GDF6: variants seen among roughly 807,000 people sequenced by gnomAD.
GDF6 encodes the protein growth/differentiation factor 6.
In GDF6, 3 loss-of-function variants were observed where a neutral mutation model predicts 32.4. That is an observed-to-expected ratio of 0.09 (90% CI 0.04 to 0.24). The LOEUF (loss-of-function observed/expected upper bound fraction) is 0.24, where lower values mean the gene tolerates loss of function less well. GDF6 is among the 10% of genes least tolerant of loss of function. The pLI is 1.00. For synonymous variants in GDF6, 296 were observed against 295.3 expected, an observed-to-expected ratio of 1.00 and a Z score of -0.03; for missense variants, 589 against 637.9, an observed-to-expected ratio of 0.92 and a Z score of 0.83.
Position 96,144,752 on chromosome 8 carries a change from C to A in GDF6, c.1179G>T (p.Ser393=), listed in dbSNP as rs760564026. 3 of 1,614,130 alleles carry A rather than the reference C, an allele frequency of 1.9e-6. No individual in the cohort carries two copies. The highest frequency in any genetic ancestry group is 2.5e-6 in the Non-Finnish European group (3 of 1,180,008). ...TGGCGTGGTTGGTGGGCTCCAGGTG[C>A]GAGCGCAGCGGGAAGTCGCATACAC... ...CEGVCDFPLR[S]HLEPTNHAII... The change falls in exon 2 of 2, where the codon TCG becomes TCT. Residue 393 remains serine (S), a synonymous_variant. Coordinates refer to ENST00000287020, the MANE Select transcript of GDF6 (RefSeq NM_001001557.4). This position sits in a 1 kb window ranked among gnomAD's most constrained non-coding sequence, Gnocchi z 5.1.
rs1404630168 is a variant in GDF6, at chr8:96,144,727, T to C, written c.1204A>G (p.Ile402Val). 8 of 1,614,178 alleles carry C rather than the reference T, an allele frequency of 5.0e-6. No homozygotes were observed. Among genetic ancestry groups the C allele is most frequent in the Non-Finnish European group, 5.1e-6 (6 of 1,180,028 alleles). ...ATGGAGTTCATCAGCGTCTGGATGA[T>C]GGCGTGGTTGGTGGGCTCCAGGTGC... Reference protein sequence around the residue: ...RSHLEPTNHAIIQTLMNSMDP... With the variant: ...RSHLEPTNHAVIQTLMNSMDP... Residue 402 changes from isoleucine (I) to valine (V), a missense_variant, in exon 2 of 2, where the codon ATC becomes GTC. Coordinates refer to ENST00000287020, the MANE Select transcript of GDF6 (RefSeq NM_001001557.4). The surrounding 1 kb of genome is among the most constrained non-coding windows in gnomAD (Gnocchi z 5.1).
intron 1 of GDF6, among the ~76,000 whole-genome samples, chr8:96,159,267 A>G (rs1812720306): frequency 6.6e-6 from 1 of 150,804 alleles, no homozygotes; most frequent in Non-Finnish European, 1.5e-5. Context: ...GTCTCCTTCC[A>G]CATTATTGTC....
rs1470026888 is a variant in GDF6 at position 96,145,474 on chromosome 8, A to T, written c.457T>A (p.Ser153Thr). ...AGCTCTTCTTTGTCTGAGAGCATGG[A>T]CACATCAAACAAATACTTCTGTCTC... ...LRRQKYLFDV[S>T]MLSDKEELVG... The change falls in exon 2 of 2, where the codon TCC becomes ACC. Residue 153 changes from serine (S) to threonine (T), a missense_variant. Physicochemically the swap from Ser to Thr is moderately conservative, Grantham distance 58. Transcript: ENST00000287020. The surrounding 1 kb of genome is among the most constrained non-coding windows in gnomAD (Gnocchi z 5.6). The T allele has an allele frequency of 2.5e-6, 4 of 1,597,862 alleles. No individual in the cohort carries two copies. The highest frequency in any genetic ancestry group is 3.4e-6 in the Non-Finnish European group (4 of 1,179,660).
rs1382475628 is a variant in GDF6, at chr8:96,150,516, G to A, written c.407-4992C>T. On this transcript the variant is annotated intron_variant, in intron 1 of 1. Transcript: ENST00000287020. Reference sequence around the variant, plus strand: ...TAGGCACGTGCTCAGAGCTTTGATGGCCTCTCTCACTGAATTTTCACAGCG... The same window carrying A: ...TAGGCACGTGCTCAGAGCTTTGATGACCTCTCTCACTGAATTTTCACAGCG... Among the ~76,000 whole-genome samples, 4 of 152,242 alleles carry A rather than the reference G, an allele frequency of 2.6e-5. No homozygotes were observed. In the East Asian group the frequency reaches 7.7e-4, roughly 29 times the overall value.
chr8:96,147,625 G>T (rs1038727681), intron 1 of GDF6, among the ~76,000 whole-genome samples: 41 of 152,234 alleles, frequency 2.7e-4, no homozygotes, highest in African/African-American at 9.6e-4. Flanking sequence ...AAGGATTGGA[G>T]AAATTAAGGT....
chr8:96,150,744 C>T (rs1329950158), intron 1 of GDF6, among the ~76,000 whole-genome samples: 1 of 152,278 alleles, frequency 6.6e-6, no homozygotes. Context: ...AGTCCTGCAG[C>T]CATGCTGCTC....
In GDF6 at chr8:96,144,976, C is replaced by T. The variant is rs779322747; in HGVS notation, c.955G>A (p.Ala319Thr). The change falls in exon 2 of 2, where the codon GCC becomes ACC. Residue 319 changes from alanine to threonine, a missense_variant. By Grantham distance (58) the Ala-to-Thr change is moderately conservative. Transcript: ENST00000287020. The surrounding 1 kb of genome is among the most constrained non-coding windows in gnomAD (Gnocchi z 5.1). ...AEGSWPPPSG[A>T]PDARPWLPSP... Reference sequence around the variant, plus strand: ...GGCAGCCAAGGCCTGGCATCCGGGGCGCCCGACGGCGGCGGCCACGACCCC... The same window carrying T: ...GGCAGCCAAGGCCTGGCATCCGGGGTGCCCGACGGCGGCGGCCACGACCCC... The T allele has an allele frequency of 2.8e-5, 38 of 1,361,656 alleles. No homozygotes were observed. In the South Asian group the frequency reaches 6.3e-4, roughly 23 times the overall value. The allele number at this position is 1,361,656 out of a possible 1,614,324, so 84.3% of individuals were successfully genotyped here.
intron 1 of GDF6, among the ~76,000 whole-genome samples, chr8:96,152,887 A>G (rs1812591758): frequency 6.6e-6 from 1 of 152,176 alleles, no homozygotes; most frequent in Non-Finnish European, 1.5e-5. Flanking sequence ...AGACTCCACA[A>G]GTTAAGTGGG....
At position 96,144,292 on chromosome 8, in the gene GDF6, A is replaced by AGAGAGAGAGAC; in HGVS notation, c.*270_*271insGTCTCTCTCTC. On this transcript the variant is annotated 3_prime_UTR_variant, in exon 2 of 2. Coordinates refer to ENST00000287020, the MANE Select transcript of GDF6 (RefSeq NM_001001557.4). This position sits in a 1 kb window ranked among gnomAD's most constrained non-coding sequence, Gnocchi z 5.1. Reference sequence around the variant, plus strand: ...AGAGAGAGAGAGAGAGAGAGAGAGAAAACAGAACAAAAGAAATCCTCCTTG... The same window carrying AGAGAGAGAGAC: ...AGAGAGAGAGAGAGAGAGAGAGAGAAGAGAGAGAGACAACAGAACAAAAGAAATCCTCCTTG... 3.1e-6 allele frequency: 1 copy of AGAGAGAGAGAC among 321,500 alleles called. No individual in the cohort carries two copies. Among genetic ancestry groups the AGAGAGAGAGAC allele is most frequent in the Non-Finnish European group, 5.4e-6 (1 of 186,466 alleles). 19.9% of individuals were successfully genotyped at this position (321,500 alleles called of 1,614,324 possible).
chr8:96,150,442 T>G (rs954216572), intron 1 of GDF6, among the ~76,000 whole-genome samples: 1 of 152,214 alleles, frequency 6.6e-6, no homozygotes, highest in Admixed American at 6.5e-5. Context: ...ACCCCCTCAT[T>G]TTAGAGCCAG....
At chr8:96,154,315 G>T (rs908030477) in intron 1 of GDF6, among the ~76,000 whole-genome samples, 1 of 152,040 alleles carries the variant, frequency 6.6e-6, no homozygotes, top group African/African-American at 2.4e-5. Context: ...GCCGCCCGCC[G>T]CCCGCCCCTT....
In GDF6 at chr8:96,148,010, T is replaced by A. The variant is rs1363229870; in HGVS notation, c.407-2486A>T. ...TTTGTTTTTACTCTTTTAAAAAAAA[T>A]GTGTGGGCTAATAAATGATTAATTT... On this transcript the variant is annotated intron_variant, in intron 1 of 1. Coordinates refer to ENST00000287020, the MANE Select transcript of GDF6 (RefSeq NM_001001557.4). Among the ~76,000 whole-genome samples the A allele has an allele frequency of 3.9e-5, 6 of 152,178 alleles. No homozygotes were observed. The East Asian group carries it at 1.2e-3, about 29-fold the overall frequency.
In GDF6 at chr8:96,144,290, G is replaced by GAGAGAGAGAGAGAA. The variant is rs1416099236; in HGVS notation, c.*272_*273insTTCTCTCTCTCTCT. 4 of 439,248 alleles carry GAGAGAGAGAGAGAA rather than the reference G, an allele frequency of 9.1e-6. No individual in the cohort carries two copies. Among genetic ancestry groups the GAGAGAGAGAGAGAA allele is most frequent in the South Asian group, 2.3e-5 (1 of 43,642 alleles). 27.2% of individuals were successfully genotyped at this position (439,248 alleles called of 1,614,324 possible). ...AGAGAGAGAGAGAGAGAGAGAGAGA[G>GAGAGAGAGAGAGAA]AAAACAGAACAAAAGAAATCCTCCT... On this transcript the variant is annotated 3_prime_UTR_variant, in exon 2 of 2. Transcript: ENST00000287020. The surrounding 1 kb of genome is among the most constrained non-coding windows in gnomAD (Gnocchi z 5.1).
intron 1 of GDF6, among the ~76,000 whole-genome samples, chr8:96,146,136 T>TGC (rs1247368794): frequency 2.6e-5 from 4 of 152,166 alleles, no homozygotes; most frequent in Admixed American, 6.5e-5. Context: ...TTGTCCACCT[T>TGC]GCTCCCCTCA....
intron 1 of GDF6, among the ~76,000 whole-genome samples, chr8:96,155,186 C>G (rs759503639): frequency 6.6e-6 from 1 of 152,258 alleles, no homozygotes; most frequent in Non-Finnish European, 1.5e-5. Context: ...GAGAGCCTCC[C>G]GCGTTGAGGA....
rs886063199 is a variant in GDF6 at position 96,144,242 on chromosome 8, A to AAAAG, written c.*320_*321insCTTT. 4.2e-5 allele frequency: 8 copies of AAAAG among 190,112 alleles called. No individual in the cohort carries two copies. In the Admixed American group the frequency reaches 6.3e-4, roughly 15 times the overall value. 11.8% of individuals were successfully genotyped at this position (190,112 alleles called of 1,614,324 possible). On this transcript the variant is annotated 3_prime_UTR_variant, in exon 2 of 2. Transcript: ENST00000287020. This position sits in a 1 kb window ranked among gnomAD's most constrained non-coding sequence, Gnocchi z 5.1. ...ACATAAGGAAATCCAAAGCCACAGT[A>AAAAG]ATAGAGAGAGAGAGAGAGAGAGAGA...
chr8:96,150,140 T>C (rs6999113), intron 1 of GDF6, among the ~76,000 whole-genome samples: 132 of 152,380 alleles, frequency 8.7e-4, no homozygotes, highest in African/African-American at 3.1e-3. Flanking sequence ...CGCCTGGCTG[T>C]GCACCCACGG....
intron 1 of GDF6, among the ~76,000 whole-genome samples, chr8:96,153,736 C>G (rs1272542286): frequency 6.6e-6 from 1 of 152,166 alleles, no homozygotes; most frequent in African/African-American, 2.4e-5. Context: ...TCTGAGCTTG[C>G]AGGTGGGGGC....
At chr8:96,146,855 G>A (rs892793810) in intron 1 of GDF6, among the ~76,000 whole-genome samples, 2 of 152,210 alleles carry the variant, frequency 1.3e-5, no homozygotes, top group African/African-American at 4.8e-5. Flanking sequence ...GTAGGGGAGT[G>A]TAACAGGCTT....
Sources: gnomAD v4.1 joint callset for allele counts (sites outside exome capture counted in the v4.1 genomes callset) on GRCh38, gnomAD v4.1.1 for gene constraint, Gnocchi (gnomAD v3.1) non-coding constraint, MANE v1.5 for transcripts, NCBI Gene and HGNC (gene_info 2026-07-23, HGNC 2026-07-21) for gene names.